DMRT1: variants seen among roughly 807,000 people sequenced by gnomAD.
DMRT1 encodes doublesex- and mab-3-related transcription factor 1.
In DMRT1, 7 loss-of-function variants were observed where a neutral mutation model predicts 32.3. The observed-to-expected ratio is 0.22, with a 90% confidence interval of 0.12 to 0.41. The LOEUF (loss-of-function observed/expected upper bound fraction) is 0.41, where lower values mean the gene tolerates loss of function less well. DMRT1 is among the 10% of genes least tolerant of loss of function. DMRT1 has a pLI of 1.00. For synonymous variants in DMRT1, 278 were observed against 206.1 expected (o/e 1.35, Z -2.99); for missense variants, 625 against 500.5 (o/e 1.25, Z -2.37).
chr9:912,757 G>A (rs755113292), intron 3 of DMRT1, among the ~76,000 whole-genome samples: 1 of 152,030 alleles, frequency 6.6e-6, no homozygotes, highest in Non-Finnish European at 1.5e-5. Context: ...GTTGGTAATT[G>A]TAGAGCACTG....
In DMRT1 at chr9:951,388, C is replaced by T. The variant is rs10120272; in HGVS notation, c.968-16597C>T. On this transcript the variant is annotated intron_variant, in intron 4 of 4. Transcript: ENST00000382276. ...ACCAGACATGGACAGTAACCTTAAT[C>T]AGCAAGAATGCGTCTTTTCTGTAAA... Among the ~76,000 whole-genome samples, 714 of 152,276 alleles carry T rather than the reference C, an allele frequency of 4.7e-3. 4 individuals carry two copies. Among genetic ancestry groups the T allele is most frequent in the African/African-American group, 0.016 (684 of 41,562 alleles).
intron 4 of DMRT1, among the ~76,000 whole-genome samples, chr9:938,340 A>G (rs190231862): frequency 1.2e-3 from 179 of 152,332 alleles, no homozygotes; most frequent in African/African-American, 4.2e-3. Context: ...TGGAAATTGA[A>G]TTGAATCTGT....
At chr9:866,147 G>A (rs1216024339) in intron 2 of DMRT1, among the ~76,000 whole-genome samples, 1 of 125,174 alleles carries the variant, frequency 8.0e-6, no homozygotes, top group African/African-American at 3.0e-5. Flanking sequence ...CTGGGTGACA[G>A]AGTGAGAGTC....
chr9:954,682 G>A (rs1363051988), intron 4 of DMRT1, among the ~76,000 whole-genome samples: 4 of 151,838 alleles, frequency 2.6e-5, no homozygotes, highest in Non-Finnish European at 5.9e-5. Context: ...TTGCTCTGTC[G>A]CCAAGCTGGA....
chr9:943,774 A>C (rs1933856467), intron 4 of DMRT1, among the ~76,000 whole-genome samples: 1 of 152,140 alleles, frequency 6.6e-6, no homozygotes. Context: ...TCTCAAGAGG[A>C]TTTATTTTTG....
intron 2 of DMRT1, among the ~76,000 whole-genome samples, chr9:861,415 A>G (rs1366506992): frequency 6.6e-6 from 1 of 150,734 alleles, no homozygotes; most frequent in Non-Finnish European, 1.5e-5. Flanking sequence ...ATCCCAAGGC[A>G]GAAGAATTTT....
chr9:903,146 T>C (rs1457975832), intron 3 of DMRT1, among the ~76,000 whole-genome samples: 1 of 152,164 alleles, frequency 6.6e-6, no homozygotes, highest in Non-Finnish European at 1.5e-5. Flanking sequence ...GTTCCTCTCT[T>C]TTAAAGAGAA....
rs796916527 is a variant in DMRT1, at chr9:942,496, C to A, written c.968-25489C>A. 5.3e-5 allele frequency among the ~76,000 whole-genome samples: 8 copies of A among 152,322 alleles called. 1 individual carries two copies. Among genetic ancestry groups the A allele is most frequent in the African/African-American group, 1.9e-4 (8 of 41,576 alleles). On this transcript the variant is annotated intron_variant, in intron 4 of 4. Coordinates refer to ENST00000382276, the MANE Select transcript of DMRT1 (RefSeq NM_021951.3). Reference sequence around the variant, plus strand: ...CCATGTTGCCGAAGCTGGTCTTGAACTCCTGAGCTCAAGTGATCTGCTTGC... The same window carrying A: ...CCATGTTGCCGAAGCTGGTCTTGAAATCCTGAGCTCAAGTGATCTGCTTGC...
chr9:861,804 G>GGCGGCTGC, intron 2 of DMRT1, among the ~76,000 whole-genome samples: 1 of 44,048 alleles, frequency 2.3e-5, no homozygotes, highest in Admixed American at 2.1e-4. Context: ...CGGCTGCCGG[G>GGCGGCTGC]CGGGGGGGGG....
rs142562060 is a variant in DMRT1, at chr9:931,352, T to C, written c.967+14445T>C. Among the ~76,000 whole-genome samples the C allele has an allele frequency of 1.4e-3, 208 of 152,364 alleles. 1 individual carries two copies. The highest frequency in any genetic ancestry group is 4.9e-3 in the African/African-American group (204 of 41,586). On this transcript the variant is annotated intron_variant, in intron 4 of 4. Transcript: ENST00000382276. ...TCATTTTATTAAGTCTCCAGTTCTT[T>C]GAATTCAACATACAAATGTAATGAG...
chr9:895,801 CTTTTTTTTTTTT>C (rs1187539144), intron 3 of DMRT1, among the ~76,000 whole-genome samples: 1 of 121,984 alleles, frequency 8.2e-6, no homozygotes, highest in Admixed American at 8.6e-5. Context: ...ATAACTGAAA[CTTTTTTTTTTTT>C]TTTTTTTTTT....
At chr9:877,963 GA>G (rs1234747813) in intron 2 of DMRT1, among the ~76,000 whole-genome samples, 2 of 152,198 alleles carry the variant, frequency 1.3e-5, no homozygotes, top group Non-Finnish European at 2.9e-5. Context: ...CTGGAGGTCA[GA>G]AAAGCTTCCT....
chr9:887,533 G>T (rs1280379554), intron 2 of DMRT1, among the ~76,000 whole-genome samples: 3 of 152,192 alleles, frequency 2.0e-5, no homozygotes, highest in Admixed American at 6.6e-5. Context: ...ATTCTCATTT[G>T]CAGTTGTCAC....
chr9:907,814 T>C (rs1817830591), intron 3 of DMRT1, among the ~76,000 whole-genome samples: 1 of 135,678 alleles, frequency 7.4e-6, no homozygotes, highest in South Asian at 2.7e-4. Flanking sequence ...TTCCATACAG[T>C]TCTCTAAAAT....
In DMRT1 at chr9:899,966, GTCT is replaced by G. The variant is rs142143548; in HGVS notation, c.822+5772_822+5774del. Among the ~76,000 whole-genome samples the G allele has an allele frequency of 1.4e-3, 219 of 152,330 alleles. 2 individuals are homozygous for G. Among genetic ancestry groups the G allele is most frequent in the Non-Finnish European group, 2.5e-3 (167 of 68,024 alleles). ...TTTCGTTCTTTCTGGTGGTTATGTG[GTCT>G]CCTCTGAAGTGTTTTATGGTTGTCC... On this transcript the variant is annotated intron_variant, in intron 3 of 4. Transcript: ENST00000382276.
intron 3 of DMRT1, among the ~76,000 whole-genome samples, chr9:916,162 T>C (rs1818173797): frequency 6.6e-6 from 1 of 152,204 alleles, no homozygotes; most frequent in Non-Finnish European, 1.5e-5. Context: ...TTTGTTAGTG[T>C]TACAGCAGAT....
chr9:841,969 G>C lies in DMRT1; in HGVS notation c.131G>C (p.Gly44Ala), dbSNP rs1408391191. The C allele has an allele frequency of 6.3e-7, 1 of 1,586,566 alleles. No individual in the cohort carries two copies. Among genetic ancestry groups the C allele is most frequent in the African/African-American group, 1.3e-5 (1 of 74,246 alleles). ...GGGGCGCTAGTGGGGGCGGCCAGCG[G>C]CTCGAGCGCCGGGGGCAGCAGCAGA... Reference protein sequence around the residue: ...ASGALVGAASGSSAGGSSRGG... With the variant: ...ASGALVGAASASSAGGSSRGG... The change falls in exon 1 of 5, where the codon GGC (glycine) becomes GCC (alanine). Residue 44 changes from glycine to alanine, a missense_variant. Gly to Ala is a moderately conservative substitution (Grantham distance 60, BLOSUM62 0). Coordinates refer to ENST00000382276, the MANE Select transcript of DMRT1 (RefSeq NM_021951.3).
chr9:902,105 T>TCA (rs1292676402), intron 3 of DMRT1, among the ~76,000 whole-genome samples: 1 of 151,688 alleles, frequency 6.6e-6, no homozygotes, highest in Non-Finnish European at 1.5e-5. Flanking sequence ...AGATGGGGTT[T>TCA]TGCCATGTTG....
rs547647927 is a variant in DMRT1, at chr9:930,927, T to G, written c.967+14020T>G. 2.0e-5 allele frequency among the ~76,000 whole-genome samples: 3 copies of G among 152,348 alleles called. No individual in the cohort carries two copies. In the East Asian group the frequency reaches 5.8e-4, roughly 29 times the overall value. On this transcript the variant is annotated intron_variant, in intron 4 of 4. Coordinates refer to ENST00000382276, the MANE Select transcript of DMRT1 (RefSeq NM_021951.3). ...TTAAAATGTATGATTCATTGGATTT[T>G]AGTATATTAACAAAGCTATGGAACC...
Sources: allele counts gnomAD v4.1 joint callset (sites outside exome capture counted in the v4.1 genomes callset), GRCh38; gene constraint gnomAD v4.1.1; transcripts MANE v1.5; gene names NCBI Gene and HGNC (gene_info 2026-07-23, HGNC 2026-07-21).